Variants in SI observed in about 807,000 individuals in gnomAD.
The protein encoded by SI is sucrase-isomaltase, intestinal.
Under a neutral mutation model 253.3 loss-of-function variants are expected in SI, and 235 were observed. That is an observed-to-expected ratio of 0.93 (90% confidence interval 0.83 to 1.03). SI has a LOEUF of 1.03. SI is among the 50% of genes least tolerant of loss of function. The pLI is 0.00. For missense variants in SI, 2,442 were observed against 2,211.1 expected, an observed-to-expected ratio of 1.10 and a Z score of -2.09; for synonymous variants, 819 against 712.0, an observed-to-expected ratio of 1.15 and a Z score of -2.39.
At position 164,994,256 on chromosome 3, in the gene SI, C is replaced by T. The variant is rs1181419614; in HGVS notation, c.4841+1G>A. On this transcript the variant is annotated splice_donor_variant, in intron 41 of 47. Transcript: ENST00000264382. LOFTEE classifies it high-confidence loss of function. Reference sequence around the variant, plus strand: ...TAAGAGAAAACAAACTTTGTACTTACTCATGCAAAAGGGGTCGGATAACAG... The same window carrying T: ...TAAGAGAAAACAAACTTTGTACTTATTCATGCAAAAGGGGTCGGATAACAG... 2.5e-6 allele frequency: 4 copies of T among 1,610,060 alleles called. No homozygotes were observed. Among genetic ancestry groups the T allele is most frequent in the Non-Finnish European group, 3.4e-6 (4 of 1,177,326 alleles).
At position 165,015,121 on chromosome 3, in the gene SI, ACCTTTG is replaced by A; in HGVS notation, c.3995_3999+1del. Reference sequence around the variant, plus strand: ...TTCTATTTCAAGATATCGATTTAGTACCTTTGCCCAACAAATGTCATTGGTGTTTGG... The same window carrying A: ...TTCTATTTCAAGATATCGATTTAGTACCCAACAAATGTCATTGGTGTTTGG... On this transcript the variant is annotated splice_donor_variant and coding_sequence_variant, in exon 33 of 48. Transcript: ENST00000264382. LOFTEE classifies it high-confidence loss of function. 6.3e-7 allele frequency: 1 copy of A among 1,597,230 alleles called. No individual in the cohort carries two copies. Among genetic ancestry groups the A allele is most frequent in the Non-Finnish European group, 8.6e-7 (1 of 1,164,918 alleles).
intron 47 of SI, among the ~76,000 whole-genome samples, chr3:164,981,223 A>T (rs187573336): frequency 6.6e-6 from 1 of 152,196 alleles, no homozygotes; most frequent in Admixed American, 6.6e-5. Context: ...TAAGAAAAAT[A>T]GCGAGTTGCA....
At chr3:165,015,430 G>A (rs1718979276) in intron 32 of SI, among the ~76,000 whole-genome samples, 197 bp from the exon 33 acceptor site, 2 of 151,932 alleles carry the variant, frequency 1.3e-5, no homozygotes, top group Non-Finnish European at 1.5e-5. Flanking sequence ...AAGGACTCTT[G>A]GAAATGCATC....
the SI span, among the ~76,000 whole-genome samples, chr3:165,085,749 G>A: frequency 6.6e-6 from 1 of 152,110 alleles, no homozygotes; most frequent in African/African-American, 2.4e-5. Context: ...TTGGAAAAGT[G>A]TTCAATTAAA....
At chr3:165,054,760 T>C (rs899007854) in intron 13 of SI, among the ~76,000 whole-genome samples, 1 of 152,162 alleles carries the variant, frequency 6.6e-6, no homozygotes, top group African/African-American at 2.4e-5. Context: ...TTCTCTTCCA[T>C]AGCTTACTAA....
intron 47 of SI, among the ~76,000 whole-genome samples, chr3:164,980,926 T>C (rs1717155513): frequency 6.6e-6 from 1 of 151,990 alleles, no homozygotes; most frequent in Non-Finnish European, 1.5e-5. Context: ...TTTATCTGAT[T>C]GAACATTGGA....
At chr3:165,021,162 C>A (rs1711589372) in intron 27 of SI, 67 bp downstream of exon 27, 9 of 1,391,640 alleles carry the variant, frequency 6.5e-6, no homozygotes, top group Non-Finnish European at 9.2e-6. Flanking sequence ...GGCTGTTAAT[C>A]ATTTTACTTT....
At position 165,049,225 on chromosome 3, in the gene SI, C is replaced by T. The variant is rs568842900; in HGVS notation, c.1617G>A (p.Met539Ile). ...PFTPDILDKLMYSKTICMDAV... is the reference protein window; with the variant it reads ...PFTPDILDKLIYSKTICMDAV... ...CATCCATGCAAATTGTTTTGGAATA[C>T]ATGAGTTTGTCAAGAATATCTTTGA... The change falls in exon 15 of 48, where the codon ATG (methionine) becomes ATA (isoleucine). Residue 539 changes from methionine (M) to isoleucine (I), a missense_variant. Transcript: ENST00000264382. The T allele has an allele frequency of 1.0e-5, 16 of 1,602,316 alleles. No homozygotes were observed. The East Asian group carries it at 3.4e-4, about 34-fold the overall frequency.
chr3:164,982,775 A>G (rs1475826021), intron 46 of SI, among the ~76,000 whole-genome samples: 1 of 152,042 alleles, frequency 6.6e-6, no homozygotes, highest in African/African-American at 2.4e-5. Flanking sequence ...CTCTAGCCTC[A>G]GCCTCCTATG....
intron 22 of SI, among the ~76,000 whole-genome samples, chr3:165,034,719 C>T (rs1412251928): frequency 6.6e-6 from 1 of 151,842 alleles, no homozygotes; most frequent in African/African-American, 2.4e-5. Flanking sequence ...TGCGTGCATG[C>T]ACGTGTGCAC....
Position 165,012,998 on chromosome 3 carries a change from C to G in SI, c.4044G>C (p.Thr1348=). ...AACTTACATTAACAGCTTCATCTTC[C>G]GTTAGAGTTTTATCTATTGTTATGT... ...LPNITIDKTL[T]EDEAVNASRA... is the part of the protein sequence containing the mutation. Residue 1348 remains threonine (T), a synonymous_variant, in exon 34 of 48, where the codon ACG becomes ACC. Transcript: ENST00000264382. 2 of 1,608,228 alleles carry G rather than the reference C, an allele frequency of 1.2e-6. No homozygotes were observed. The highest frequency in any genetic ancestry group is 1.7e-5 in the Admixed American group (1 of 59,988).
chr3:165,037,964 C>A lies in SI; in HGVS notation c.2362G>T (p.Gly788Ter). Residue 788 changes from glycine to a stop codon, truncating the protein, a stop_gained, in exon 21 of 48, where the codon GGA becomes TGA. Transcript: ENST00000264382. LOFTEE classifies it high-confidence loss of function. ...VDMYLPADKIGLHLRGGYIIP... is the reference protein window; with the variant it reads ...VDMYLPADKI ...ATATAACCTCCTCTAAGATGTAATC[C>A]TATTTTGTCTGCTGGAAGATACATA... The A allele has an allele frequency of 6.2e-7, 1 of 1,611,436 alleles. No homozygotes were observed. Among genetic ancestry groups the A allele is most frequent in the Non-Finnish European group, 8.5e-7 (1 of 1,178,366 alleles).
At chr3:165,069,278 T>G (rs1714419546) in intron 3 of SI, 83 bp from the exon 4 acceptor site, 2 of 955,654 alleles carry the variant, frequency 2.1e-6, no homozygotes, top group Non-Finnish European at 3.3e-6. Context: ...GAATGAATAT[T>G]TTAAAATAAT....
chr3:165,039,067 A>G lies in SI; in HGVS notation c.2301+11T>C. Reference sequence around the variant, plus strand: ...TACTTGTGAGTCCATTAGTATGTTAAGGTTACTTACAGATTCATAATCATA... The same window carrying G: ...TACTTGTGAGTCCATTAGTATGTTAGGGTTACTTACAGATTCATAATCATA... On this transcript the variant is annotated intron_variant, in intron 20 of 47. Coordinates refer to ENST00000264382, the MANE Select transcript of SI (RefSeq NM_001041.4). The G allele has an allele frequency of 6.5e-7, 1 of 1,547,968 alleles. No individual in the cohort carries two copies. Among genetic ancestry groups the G allele is most frequent in the Non-Finnish European group, 8.9e-7 (1 of 1,122,034 alleles).
At chr3:165,031,867 T>C (rs2108204638) in intron 24 of SI, among the ~76,000 whole-genome samples, 1 of 151,262 alleles carries the variant, frequency 6.6e-6, no homozygotes, top group East Asian at 1.9e-4. Flanking sequence ...ATGAGAAAGC[T>C]AAAATAATGA....
Position 165,064,627 on chromosome 3 carries a change from A to G in SI, c.807+634T>C, listed in dbSNP as rs1714144812. ...TTGAGCAACAAACATAAAAACAAAC[A>G]TATACAGGAATAATACACTAATAGG... is the stretch of plus-strand genomic sequence containing the variant. On this transcript the variant is annotated intron_variant, in intron 7 of 47. Coordinates refer to ENST00000264382, the MANE Select transcript of SI (RefSeq NM_001041.4). Among the ~76,000 whole-genome samples, 3 of 152,140 alleles carry G rather than the reference A, an allele frequency of 2.0e-5. No homozygotes were observed. The South Asian group carries it at 6.2e-4, about 31-fold the overall frequency.
At chr3:164,984,161 T>C (rs1232717506) in intron 45 of SI, among the ~76,000 whole-genome samples, 2 of 152,022 alleles carry the variant, frequency 1.3e-5, no homozygotes, top group Non-Finnish European at 2.9e-5. Context: ...TGTTTTTATG[T>C]AAAAAAACAA....
chr3:165,032,762 A>T (rs1712319099), intron 23 of SI, 70 bp from the exon 24 acceptor site: 2 of 1,038,124 alleles, frequency 1.9e-6, no homozygotes, highest in African/African-American at 3.2e-5. Context: ...AATACCGATA[A>T]GAAATAGCAA....
chr3:165,013,046 C>T lies in SI; in HGVS notation c.4000-4G>A, dbSNP rs749570043. ...TGTTGGGCAAATCTGGCCAAACCTA[C>T]AAGAGACAAGACATGGAAAAGCTGA... is the stretch of plus-strand genomic sequence containing the variant. On this transcript the variant is annotated splice_region_variant and splice_polypyrimidine_tract_variant and intron_variant, in intron 33 of 47. Transcript: ENST00000264382. 3.8e-6 allele frequency: 6 copies of T among 1,587,932 alleles called. No homozygotes were observed. Among genetic ancestry groups the T allele is most frequent in the Non-Finnish European group, 4.3e-6 (5 of 1,156,498 alleles).
Sources: gnomAD v4.1 joint callset for allele counts (sites outside exome capture counted in the v4.1 genomes callset) on GRCh38, gnomAD v4.1.1 for gene constraint, MANE v1.5 for transcripts, NCBI Gene and HGNC (gene_info 2026-07-23, HGNC 2026-07-21) for gene names.